The following KIAA0586 variants were observed in gnomAD, a reference collection of about 807,000 sequenced individuals.
The protein encoded by KIAA0586 is protein TALPID3.
In KIAA0586, 144 loss-of-function variants were observed where a neutral mutation model predicts 169.8. The ratio of observed to expected loss-of-function variants is 0.85; its 90% CI spans 0.74 to 0.97. The LOEUF is 0.97. Among genes scored for constraint, KIAA0586 ranks in the 50% least tolerant of loss-of-function variants. The pLI is 0.00. For synonymous variants in KIAA0586, 625 were observed against 612.4 expected (o/e 1.02, Z -0.30); for missense variants, 1,854 against 1,823.0 (o/e 1.02, Z -0.31).
intron 4 of KIAA0586, 113 bp from the exon 5 acceptor site, chr14:58,442,593 A>T: frequency 1.4e-6 from 1 of 734,514 alleles, no homozygotes; most frequent in Non-Finnish European, 2.2e-6. Flanking sequence ...TTGATAGGTG[A>T]TTTAATTAAA....
chr14:58,464,669 C>G (rs1009829745), intron 14 of KIAA0586, among the ~76,000 whole-genome samples: 5 of 152,168 alleles, frequency 3.3e-5, no homozygotes, highest in Non-Finnish European at 5.9e-5. Context: ...GTACAGCAGT[C>G]CCCCCTTATT....
At chr14:58,446,646 A>T (rs2038930730) in intron 6 of KIAA0586, among the ~76,000 whole-genome samples, 1 of 152,180 alleles carries the variant, frequency 6.6e-6, no homozygotes. Flanking sequence ...ATTATACTTA[A>T]TATATCATCA....
chr14:58,545,631 C>T (rs1165274449), intron 30 of KIAA0586, among the ~76,000 whole-genome samples: 2 of 152,142 alleles, frequency 1.3e-5, no homozygotes, highest in Non-Finnish European at 2.9e-5. Flanking sequence ...ATATTGGCTG[C>T]TTCCCTCAGT....
At position 58,540,070 on chromosome 14, in the gene KIAA0586, G is replaced by A. The variant is rs757987129; in HGVS notation, c.4430-1G>A. The A allele has an allele frequency of 7.8e-6, 12 of 1,531,010 alleles. No homozygotes were observed. The South Asian group carries it at 1.4e-4, about 18-fold the overall frequency. 94.8% of individuals were successfully genotyped at this position (1,531,010 alleles called of 1,614,324 possible). ...TTCTGAAAAAATAAATTTTTATGTA[G>A]TTTCACCAGGTGATATGGATCGGAC... On this transcript the variant is annotated splice_acceptor_variant, in intron 29 of 30. Transcript: ENST00000652326. LOFTEE classifies it high-confidence loss of function.
chr14:58,484,878 T>TTATATATATTTA lies in KIAA0586; in HGVS notation c.3145-2120_3145-2119insTTATATATATAT, dbSNP rs1555391440. Among the ~76,000 whole-genome samples the TTATATATATTTA allele has an allele frequency of 2.7e-4, 14 of 50,990 alleles. No homozygotes were observed. In the South Asian group the frequency reaches 4.4e-3, roughly 16 times the overall value. The allele number at this position is 50,990 out of a possible 152,430, so 33.5% of individuals were successfully genotyped here. ...AAGAAAAAGTCAAATTTTATATATA[T>TTATATATATTTA]TATATATATATTTATATATATATAT... On this transcript the variant is annotated intron_variant, in intron 21 of 30. Coordinates refer to ENST00000652326, the MANE Select transcript of KIAA0586 (RefSeq NM_001329943.3).
chr14:58,444,915 GAAA>G (rs869127762), intron 6 of KIAA0586, among the ~76,000 whole-genome samples: 5 of 111,950 alleles, frequency 4.5e-5, no homozygotes, highest in Non-Finnish European at 3.6e-5. Context: ...CATCTCTTAG[GAAA>G]AAAAAAAAAA....
intron 20 of KIAA0586, among the ~76,000 whole-genome samples, chr14:58,477,906 C>A (rs1204830228): frequency 1.3e-5 from 2 of 151,614 alleles, no homozygotes; most frequent in East Asian, 1.9e-4. Context: ...CCTTCTCTTC[C>A]TCTTCCTCCT....
At chr14:58,447,595 C>T (rs1390549713) in intron 6 of KIAA0586, among the ~76,000 whole-genome samples, 1 of 152,036 alleles carries the variant, frequency 6.6e-6, no homozygotes, top group East Asian at 1.9e-4. Flanking sequence ...ATTCTCCTGC[C>T]TCAGCCTCCT....
intron 4 of KIAA0586, among the ~76,000 whole-genome samples, chr14:58,442,267 G>A (rs988784689): frequency 1.3e-5 from 2 of 151,886 alleles, no homozygotes; most frequent in African/African-American, 2.4e-5. Flanking sequence ...ATGCCACCAC[G>A]CCCGGCTAAT....
At chr14:58,437,154 T>G (rs375444735) in intron 4 of KIAA0586, among the ~76,000 whole-genome samples, 1 of 152,080 alleles carries the variant, frequency 6.6e-6, no homozygotes, top group South Asian at 2.1e-4. Context: ...GGTATGGTAA[T>G]GGGAATCATG....
chr14:58,477,328 A>T, intron 20 of KIAA0586, 87 bp downstream of exon 20: 2 of 679,076 alleles, frequency 2.9e-6, no homozygotes, highest in East Asian at 5.4e-5. Flanking sequence ...AGGTCAAGTA[A>T]ATTCTCCAGT....
rs1555404913 is a variant in KIAA0586, at chr14:58,531,343, A to AAAT, written c.4430-8726_4430-8725insTAA. On this transcript the variant is annotated intron_variant, in intron 29 of 30. Transcript: ENST00000652326. ...CTCCGTCTCAAAAAAAAAAAAAAAT[A>AAAT]AAATAAATAAAAAATAAAAAAAAAT... Among the ~76,000 whole-genome samples the AAAT allele has an allele frequency of 4.0e-4, 59 of 146,040 alleles. No individual in the cohort carries two copies. In the East Asian group the frequency reaches 8.7e-3, roughly 22 times the overall value.
At chr14:58,507,423 CTT>C (rs2044076107) in intron 27 of KIAA0586, among the ~76,000 whole-genome samples, 1 of 147,640 alleles carries the variant, frequency 6.8e-6, no homozygotes, top group Admixed American at 6.8e-5. Context: ...ATATTTAAAA[CTT>C]AATTTGCATA....
chr14:58,494,582 C>T (rs1320217069), intron 26 of KIAA0586, among the ~76,000 whole-genome samples: 2 of 152,004 alleles, frequency 1.3e-5, no homozygotes, highest in African/African-American at 4.8e-5. Flanking sequence ...GGAGAGAGCC[C>T]TAGGGAGGAG....
At chr14:58,476,700 C>T (rs566711800) in intron 19 of KIAA0586, among the ~76,000 whole-genome samples, 1 of 143,292 alleles carries the variant, frequency 7.0e-6, no homozygotes, top group Non-Finnish European at 1.5e-5. Context: ...CAGGGTCTCA[C>T]TCTATTGCCT....
chr14:58,501,233 G>A (rs548890403), intron 27 of KIAA0586, among the ~76,000 whole-genome samples: 23 of 152,294 alleles, frequency 1.5e-4, no homozygotes, highest in African/African-American at 5.3e-4. Flanking sequence ...GGAGAATTCC[G>A]AGACTGAATT....
chr14:58,509,330 A>G (rs1337910875), intron 28 of KIAA0586, among the ~76,000 whole-genome samples: 3 of 152,216 alleles, frequency 2.0e-5, no homozygotes, highest in African/African-American at 4.8e-5. Flanking sequence ...TAATTTACAT[A>G]TAGTAGGTGC....
chr14:58,458,422 G>A, intron 11 of KIAA0586, 51 bp from the exon 12 acceptor site: 1 of 979,332 alleles, frequency 1.0e-6, no homozygotes, highest in Non-Finnish European at 1.6e-6. Flanking sequence ...TCCAAGTCCT[G>A]CTCAGGACAG....
At chr14:58,556,491 C>T in the KIAA0586 span, among the ~76,000 whole-genome samples, 3 of 152,134 alleles carry the variant, frequency 2.0e-5, no homozygotes, top group Non-Finnish European at 2.9e-5. Flanking sequence ...CTATACATAC[C>T]TGTGTAATAG....
Sources: gnomAD v4.1 joint callset for allele counts (sites outside exome capture counted in the v4.1 genomes callset) on GRCh38, gnomAD v4.1.1 for gene constraint, MANE v1.5 for transcripts, NCBI Gene and HGNC (gene_info 2026-07-23, HGNC 2026-07-21) for gene names.